FERMT1: variants seen among roughly 807,000 people sequenced by gnomAD.
FERMT1 encodes the protein fermitin family homolog 1.
A neutral mutation model predicts 85.3 loss-of-function variants in FERMT1; 60 were observed. That is an observed-to-expected ratio of 0.70 (90% CI 0.57 to 0.87). FERMT1 has a LOEUF of 0.87. Ranked by LOEUF, FERMT1 falls within the 40% of genes least tolerant of loss-of-function variation. The pLI is 0.00. For missense variants in FERMT1, 701 were observed against 818.9 expected (o/e 0.86, Z 1.76); for synonymous variants, 275 against 301.1 (o/e 0.91, Z 0.90).
chr20:6,091,061 G>T (rs1292720207), intron 9 of FERMT1, among the ~76,000 whole-genome samples: 1 of 151,486 alleles, frequency 6.6e-6, no homozygotes, highest in Non-Finnish European at 1.5e-5. Context: ...CTACCCGGAG[G>T]CTGAGGCACA....
Position 6,115,834 on chromosome 20 carries a change from A to G in FERMT1, c.362T>C (p.Val121Ala). 1 of 1,614,094 alleles carries G rather than the reference A, an allele frequency of 6.2e-7. No homozygotes were observed. Among genetic ancestry groups the G allele is most frequent in the Non-Finnish European group, 8.5e-7 (1 of 1,179,960 alleles). Residue 121 changes from valine (V) to alanine (A), a missense_variant, in exon 3 of 15, where the codon GTC becomes GCC. By Grantham distance (64) the Val-to-Ala change is moderately conservative. Coordinates refer to ENST00000217289, the MANE Select transcript of FERMT1 (RefSeq NM_017671.5). Reference protein sequence around the residue: ...VSFSAVVFKAVSDICKILNIR... With the variant: ...VSFSAVVFKAASDICKILNIR... ...ACTCAGGATTTTGCAGATATCACTG[A>G]CAGCTTTAAAAACCACAGCTGAGAA...
chr20:6,099,234 C>T (rs775692984), intron 6 of FERMT1, among the ~76,000 whole-genome samples: 52 of 152,142 alleles, frequency 3.4e-4, no homozygotes, highest in Middle Eastern at 6.8e-3. Context: ...GAAACCCCGT[C>T]TCTACTAAAA....
chr20:6,081,246 A>G (rs1156774213), intron 13 of FERMT1, among the ~76,000 whole-genome samples: 1 of 149,988 alleles, frequency 6.7e-6, no homozygotes, highest in African/African-American at 2.5e-5. Context: ...ACTGTGACAG[A>G]GTGAGATCCT....
Position 6,112,573 on chromosome 20 carries a change from A to C in FERMT1, c.436T>G (p.Phe146Val). 1 of 1,606,034 alleles carries C rather than the reference A, an allele frequency of 6.2e-7. No homozygotes were observed. The change falls in exon 4 of 15, where the codon TTT becomes GTT. Residue 146 changes from phenylalanine (F) to valine (V), a missense_variant. Phe to Val is a conservative substitution (Grantham distance 50). Coordinates refer to ENST00000217289, the MANE Select transcript of FERMT1 (RefSeq NM_017671.5). ...TTGTCTTTTTTCTTCTTCTTCTTAA[A>C]ATAGTCACCAGACGGCTTTAACAAG... ...LSLLKPSGDY[F>V]KKKKKKDKNN... is the part of the protein sequence containing the mutation.
intron 2 of FERMT1, among the ~76,000 whole-genome samples, chr20:6,118,060 A>C (rs1478290306): frequency 6.6e-6 from 1 of 152,182 alleles, no homozygotes. Context: ...GAACTATACC[A>C]CCCAACAGAA....
intron 13 of FERMT1, 147 bp from the exon 14 acceptor site, chr20:6,079,724 G>C: frequency 1.3e-6 from 1 of 792,256 alleles, no homozygotes; most frequent in Non-Finnish European, 2.0e-6. Flanking sequence ...CTGCAGGGGG[G>C]CATTTTTATT....
At position 6,104,358 on chromosome 20, in the gene FERMT1, G is replaced by GCTCT. The variant is rs890862493; in HGVS notation, c.849+3173_849+3174insAGAG. 3.3e-5 allele frequency among the ~76,000 whole-genome samples: 5 copies of GCTCT among 152,140 alleles called. No homozygotes were observed. Among genetic ancestry groups the GCTCT allele is most frequent in the Admixed American group, 3.3e-4 (5 of 15,266 alleles). Reference sequence around the variant, plus strand: ...GTAAATTTGCAGTGGCTTCATGGGTGTTCTTTCTTCTTCTTAGATTTGATT... The same window carrying GCTCT: ...GTAAATTTGCAGTGGCTTCATGGGTGCTCTTTCTTTCTTCTTCTTAGATTTGATT... On this transcript the variant is annotated intron_variant, in intron 6 of 14. Transcript: ENST00000217289. This position sits in a 1 kb window ranked among gnomAD's most constrained non-coding sequence, Gnocchi z 4.2.
At chr20:6,121,027 G>T (rs1467535542) in intron 1 of FERMT1, among the ~76,000 whole-genome samples, 2 of 152,220 alleles carry the variant, frequency 1.3e-5, no homozygotes, top group African/African-American at 4.8e-5. Context: ...ACGCTACACA[G>T]ATAAATTGAA....
At chr20:6,107,392 T>C in intron 6 of FERMT1, 140 bp downstream of exon 6, 2 of 529,714 alleles carry the variant, frequency 3.8e-6, no homozygotes, top group Non-Finnish European at 7.0e-6. Flanking sequence ...CCAGGGTCCA[T>C]GTATCAGTCT....
At chr20:6,119,281 G>A in intron 2 of FERMT1, 123 bp downstream of exon 2, 1 of 994,970 alleles carries the variant, frequency 1.0e-6, no homozygotes, top group Non-Finnish European at 1.6e-6. Context: ...GGGATGAGGG[G>A]TGGGGGATTG....
At chr20:6,088,453 C>G (rs1982247501) in intron 10 of FERMT1, among the ~76,000 whole-genome samples, 1 of 152,118 alleles carries the variant, frequency 6.6e-6, no homozygotes, top group African/African-American at 2.4e-5. Context: ...AAAGATGGAA[C>G]AGCAGAATGC....
At chr20:6,078,885 C>T (rs1167720816) in intron 14 of FERMT1, among the ~76,000 whole-genome samples, 1 of 152,090 alleles carries the variant, frequency 6.6e-6, no homozygotes, top group Non-Finnish European at 1.5e-5. Context: ...GTAACATAGG[C>T]TAGGGGTTTG....
At chr20:6,118,488 T>C (rs1983170073) in intron 2 of FERMT1, among the ~76,000 whole-genome samples, 1 of 152,126 alleles carries the variant, frequency 6.6e-6, no homozygotes, top group Non-Finnish European at 1.5e-5. Context: ...GAACTGTTTA[T>C]GATAAGTGAA....
intron 6 of FERMT1, among the ~76,000 whole-genome samples, chr20:6,103,027 C>A (rs1398708847): frequency 6.6e-6 from 1 of 152,046 alleles, no homozygotes; most frequent in Non-Finnish European, 1.5e-5. Context: ...TATGAACTAT[C>A]AGAGTTCTAA....
intron 3 of FERMT1, among the ~76,000 whole-genome samples, chr20:6,114,756 T>C (rs1375109954): frequency 1.3e-5 from 2 of 152,212 alleles, no homozygotes; most frequent in African/African-American, 4.8e-5. Context: ...CTCACCCTAC[T>C]TCATATACCA....
At chr20:6,084,986 C>A (rs1025158842) in intron 12 of FERMT1, 80 bp downstream of exon 12, 10 of 1,394,662 alleles carry the variant, frequency 7.2e-6, no homozygotes, top group Non-Finnish European at 1.0e-5. Flanking sequence ...AGCCACCATG[C>A]CCAGCCGGAA....
At chr20:6,087,964 C>A (rs957793442) in intron 10 of FERMT1, 81 bp from the exon 11 acceptor site, 3 of 834,154 alleles carry the variant, frequency 3.6e-6, no homozygotes, top group African/African-American at 1.7e-5. Context: ...GAAATAAAGA[C>A]TTTGAATACA....
chr20:6,115,828 T>G lies in FERMT1; in HGVS notation c.368A>C (p.Asp123Ala). 6.2e-7 allele frequency: 1 copy of G among 1,614,034 alleles called. No individual in the cohort carries two copies. Among genetic ancestry groups the G allele is most frequent in the East Asian group, 2.2e-5 (1 of 44,886 alleles). The stretch of plus-strand genomic sequence containing the variant: ...GTACTTACTCAGGATTTTGCAGATA[T>G]CACTGACAGCTTTAAAAACCACAGC... ...FSAVVFKAVS[D>A]ICKILNIRRS... Residue 123 changes from aspartate (D) to alanine (A), a missense_variant, in exon 3 of 15, where the codon GAT becomes GCT. By Grantham distance (126) the Asp-to-Ala change is moderately radical. Coordinates refer to ENST00000217289, the MANE Select transcript of FERMT1 (RefSeq NM_017671.5).
At chr20:6,107,015 G>A (rs1327862205) in intron 6 of FERMT1, among the ~76,000 whole-genome samples, 1 of 152,054 alleles carries the variant, frequency 6.6e-6, no homozygotes, top group Non-Finnish European at 1.5e-5. Context: ...GGCCAATATA[G>A]TGAAACCCCG....
Sources: gnomAD v4.1 joint callset for allele counts (sites outside exome capture counted in the v4.1 genomes callset) on GRCh38, gnomAD v4.1.1 for gene constraint, Gnocchi (gnomAD v3.1) non-coding constraint, MANE v1.5 for transcripts, NCBI Gene and HGNC (gene_info 2026-07-23, HGNC 2026-07-21) for gene names.